Variants in NKX2-2 observed in about 807,000 individuals in gnomAD.
NKX2-2 encodes homeobox protein Nkx-2.2.
NKX2-2 carries 8 observed loss-of-function variants against 24.6 expected under a neutral mutation model. That is an observed-to-expected ratio of 0.32 (90% CI 0.19 to 0.59). The LOEUF (loss-of-function observed/expected upper bound fraction) is 0.59. NKX2-2 is among the 20% of genes least tolerant of loss of function. The pLI is 0.86. For synonymous variants in NKX2-2, 217 were observed against 173.3 expected (o/e 1.25, Z -1.98); for missense variants, 381 against 373.9 (o/e 1.02, Z -0.16).
At chr20:21,516,575 G>A (rs1980645917), upstream of NKX2-2, among the ~76,000 whole-genome samples, 1 of 152,006 alleles carries the variant, frequency 6.6e-6, no homozygotes, top group South Asian at 2.1e-4. Context: ...TTGTTACTCA[G>A]CTGCTAAATA....
the NKX2-2 span, among the ~76,000 whole-genome samples, chr20:21,519,770 G>T: frequency 2.0e-5 from 3 of 152,178 alleles, no homozygotes; most frequent in East Asian, 5.8e-4. Flanking sequence ...TTCTGCCCCC[G>T]GAGAAGGAAA....
At chr20:21,516,834 C>A (rs74343216), upstream of NKX2-2, among the ~76,000 whole-genome samples, 2,958 of 152,204 alleles carry the variant, frequency 0.019, 107 homozygotes, top group African/African-American at 0.068. Flanking sequence ...GGGGGAGTGC[C>A]CGCAGAGGCC....
the NKX2-2 span, among the ~76,000 whole-genome samples, chr20:21,520,658 C>G: frequency 6.6e-6 from 1 of 152,196 alleles, no homozygotes; most frequent in Non-Finnish European, 1.5e-5. Context: ...TAGCTTTAAG[C>G]CCCCCTCGGG....
At chr20:21,522,261 C>T in the NKX2-2 span, among the ~76,000 whole-genome samples, 2 of 152,042 alleles carry the variant, frequency 1.3e-5, no homozygotes, top group Non-Finnish European at 2.9e-5. Context: ...AGTCAGGACC[C>T]GGGAGAGCGA....
At chr20:21,520,472 G>A in the NKX2-2 span, among the ~76,000 whole-genome samples, 1 of 152,164 alleles carries the variant, frequency 6.6e-6, no homozygotes, top group Admixed American at 6.5e-5. Context: ...GACCCTGCGG[G>A]CATATGTTAG....
rs1600261583 is a variant in NKX2-2, at chr20:21,513,725, T to G, written c.-56A>C. On this transcript the variant is annotated 5_prime_UTR_variant, in exon 1 of 2. Transcript: ENST00000377142. The surrounding 1 kb of genome is among the most constrained non-coding windows in gnomAD (Gnocchi z 4.6). ...GTTGTAGCTTCACTTGGTCAATTCG[T>G]GGCGCTCCCCTGCCCCGGCGGGCGG... 2.8e-6 allele frequency: 3 copies of G among 1,082,996 alleles called. No homozygotes were observed. The highest frequency in any genetic ancestry group is 3.4e-6 in the Non-Finnish European group (3 of 890,860). 67.1% of individuals were successfully genotyped at this position (1,082,996 alleles called of 1,614,324 possible). A position where few individuals can be genotyped will look rare whatever the true frequency, so the allele number is the denominator to read the frequency against.
chr20:21,512,563 G>C (rs1246405505), intron 1 of NKX2-2, 78 bp from the exon 2 acceptor site: 2 of 1,140,686 alleles, frequency 1.8e-6, no homozygotes, highest in African/African-American at 3.1e-5. Context: ...GAGCACCCTG[G>C]ATCCTCCGTG....
chr20:21,514,978 C>G (rs1980586061), upstream of NKX2-2, among the ~76,000 whole-genome samples: 1 of 152,130 alleles, frequency 6.6e-6, no homozygotes, highest in African/African-American at 2.4e-5. Context: ...ACCTCCCACC[C>G]CCAACCCCCC....
upstream of NKX2-2, among the ~76,000 whole-genome samples, chr20:21,515,375 C>T (rs565081799): frequency 2.0e-3 from 298 of 152,178 alleles, no homozygotes; most frequent in Middle Eastern, 0.01. Flanking sequence ...CCCCAGTTTT[C>T]TTCTCCCACG....
chr20:21,512,481 G>T lies in NKX2-2; in HGVS notation c.264C>A (p.His88Gln). 1 of 1,563,512 alleles carries T rather than the reference G, an allele frequency of 6.4e-7. No homozygotes were observed. The highest frequency in any genetic ancestry group is 8.6e-7 in the Non-Finnish European group (1 of 1,163,456). The change falls in exon 2 of 2, where the codon CAC becomes CAA. Residue 88 changes from histidine (H) to glutamine (Q), a missense_variant. This residue lies in a region of NKX2-2 where 206 missense variants were observed against 173.1 expected (regional missense o/e 1.19). Coordinates refer to ENST00000377142, the MANE Select transcript of NKX2-2 (RefSeq NM_002509.4). ...ASTEGLQYSLHGLAAGAPPQD... is the reference protein window; with the variant it reads ...ASTEGLQYSLQGLAAGAPPQD... ...GAGGGGGCGCCCCGGCAGCCAGACC[G>T]TGCACTGGGGGGAGGGGGAGAGAGA...
the NKX2-2 span, among the ~76,000 whole-genome samples, chr20:21,519,210 T>G: frequency 6.6e-6 from 1 of 152,206 alleles, no homozygotes; most frequent in Non-Finnish European, 1.5e-5. Context: ...TTCTTCGTCT[T>G]TTTTTTGGAA....
the NKX2-2 span, among the ~76,000 whole-genome samples, chr20:21,519,902 G>A: frequency 5.8e-4 from 89 of 152,246 alleles, no homozygotes; most frequent in African/African-American, 2.1e-3. Context: ...GCAGATCTCT[G>A]GCAGGAGAGA....
Position 21,511,951 on chromosome 20 carries a change from A to G in NKX2-2, c.794T>C (p.Leu265Pro). The change falls in exon 2 of 2, where the codon CTG becomes CCG. Residue 265 changes from leucine (L) to proline (P), a missense_variant. This residue lies in a region of NKX2-2 where 139 missense variants were observed against 121.7 expected (regional missense o/e 1.14). Coordinates refer to ENST00000377142, the MANE Select transcript of NKX2-2 (RefSeq NM_002509.4). ...CCAAGTCCACTGCTGGGCCTGGACC[A>G]GGGGGTGTGCTGTCGGGTACTGGGG... ...STPQYPTAHPLVQAQQWTW is the reference protein window; with the variant it reads ...STPQYPTAHPPVQAQQWTW 3 of 1,601,880 alleles carry G rather than the reference A, an allele frequency of 1.9e-6. No individual in the cohort carries two copies. Among genetic ancestry groups the G allele is most frequent in the Non-Finnish European group, 2.6e-6 (3 of 1,174,868 alleles).
At chr20:21,515,976 G>C (rs1452174838), upstream of NKX2-2, among the ~76,000 whole-genome samples, 2 of 152,198 alleles carry the variant, frequency 1.3e-5, no homozygotes, top group Admixed American at 1.3e-4. Context: ...TGGGTGGTCG[G>C]ACCCGGGCAA....
At chr20:21,522,608 G>A in the NKX2-2 span, among the ~76,000 whole-genome samples, 2 of 151,898 alleles carry the variant, frequency 1.3e-5, no homozygotes, top group African/African-American at 4.8e-5. Flanking sequence ...GGGCGAGCGC[G>A]CAGGTCCCGG....
At chr20:21,515,926 C>T (rs572708219), upstream of NKX2-2, among the ~76,000 whole-genome samples, 2 of 152,308 alleles carry the variant, frequency 1.3e-5, no homozygotes, top group South Asian at 4.1e-4. Context: ...ACGTGGGTGA[C>T]AATGGCCCAG....
the NKX2-2 span, among the ~76,000 whole-genome samples, chr20:21,520,163 T>C: frequency 1.3e-5 from 2 of 152,142 alleles, no homozygotes; most frequent in Non-Finnish European, 2.9e-5. Flanking sequence ...AGATTCTGTG[T>C]CTGGGGGAAA....
At chr20:21,515,820 C>T (rs1248404412), upstream of NKX2-2, among the ~76,000 whole-genome samples, 3 of 152,176 alleles carry the variant, frequency 2.0e-5, no homozygotes, top group African/African-American at 7.2e-5. Flanking sequence ...CGCCGCGCCC[C>T]AGCTGCCCCC....
At chr20:21,515,045 G>C (rs1301899551), upstream of NKX2-2, among the ~76,000 whole-genome samples, 3 of 152,016 alleles carry the variant, frequency 2.0e-5, no homozygotes, top group African/African-American at 4.8e-5. Context: ...CTTTGCGGGC[G>C]GTCCCGGGGA....
Sources: allele counts gnomAD v4.1 joint callset (sites outside exome capture counted in the v4.1 genomes callset), GRCh38; gene constraint gnomAD v4.1.1; regional missense constraint gnomAD v4.1.1; non-coding constraint Gnocchi (gnomAD v3.1); transcripts MANE v1.5; gene names NCBI Gene and HGNC (gene_info 2026-07-23, HGNC 2026-07-21).